Variants in LRRC38 observed in about 807,000 individuals in gnomAD.
LRRC38 encodes leucine rich repeat containing 38, also known as leucine-rich repeat-containing protein 38.
Under a neutral mutation model 16.4 loss-of-function variants are expected in LRRC38, and 5 were observed. That is an observed-to-expected ratio of 0.31 (90% confidence interval 0.16 to 0.64). LRRC38 has a LOEUF of 0.64. Ranked by LOEUF, LRRC38 falls within the 30% of genes least tolerant of loss-of-function variation. The probability of loss-of-function intolerance (pLI) is 0.80; values close to 1 mark genes in which losing one functional copy is unlikely to be tolerated. For missense variants in LRRC38, 341 were observed against 401.8 expected (o/e 0.85, Z 1.29); for synonymous variants, 191 against 190.2 (o/e 1.00, Z -0.04).
intron 1 of LRRC38, among the ~76,000 whole-genome samples, chr1:13,477,866 A>G (rs1638807374): frequency 6.6e-6 from 1 of 152,122 alleles, no homozygotes; most frequent in Admixed American, 6.5e-5. Context: ...AGGGAACACA[A>G]TGTAGCCAGG....
intron 1 of LRRC38, among the ~76,000 whole-genome samples, chr1:13,510,062 C>T (rs1639257814): frequency 6.6e-6 from 1 of 152,212 alleles, no homozygotes; most frequent in Admixed American, 6.5e-5. Flanking sequence ...CGGTGCTCCC[C>T]ACTTTTGTGT....
chr1:13,491,487 C>G (rs749823327), intron 1 of LRRC38, among the ~76,000 whole-genome samples: 1 of 152,064 alleles, frequency 6.6e-6, no homozygotes, highest in Non-Finnish European at 1.5e-5. Context: ...TGACCCCACT[C>G]CTGGCTAATT....
At chr1:13,488,308 G>A (rs576575194) in intron 1 of LRRC38, among the ~76,000 whole-genome samples, 16 of 146,332 alleles carry the variant, frequency 1.1e-4, no homozygotes, top group African/African-American at 3.3e-4. Flanking sequence ...CTGCTCTGTC[G>A]CCCAGGCTGG....
At chr1:13,504,983 TTCC>T (rs1343622007) in intron 1 of LRRC38, among the ~76,000 whole-genome samples, 3 of 152,116 alleles carry the variant, frequency 2.0e-5, no homozygotes, top group Non-Finnish European at 4.4e-5. Flanking sequence ...CTCCCACGAC[TTCC>T]TGGGGCTTGA....
chr1:13,501,854 C>G (rs1639154344), intron 1 of LRRC38, among the ~76,000 whole-genome samples: 1 of 152,094 alleles, frequency 6.6e-6, no homozygotes, highest in South Asian at 2.1e-4. Flanking sequence ...TGCACCATTC[C>G]TGGGTTCACA....
At chr1:13,481,439 T>C (rs1638854526) in intron 1 of LRRC38, among the ~76,000 whole-genome samples, 2 of 151,550 alleles carry the variant, frequency 1.3e-5, no homozygotes, top group South Asian at 4.2e-4. Flanking sequence ...TCGCCCAGGC[T>C]GGAGTGCACT....
chr1:13,481,759 T>G (rs201613607), intron 1 of LRRC38, among the ~76,000 whole-genome samples: 1 of 57,722 alleles, frequency 1.7e-5, no homozygotes, highest in Admixed American at 1.8e-4. Context: ...CTCACTTTCT[T>G]TCCCTCTCTC....
At chr1:13,506,296 C>T (rs999569198) in intron 1 of LRRC38, among the ~76,000 whole-genome samples, 1 of 152,140 alleles carries the variant, frequency 6.6e-6, no homozygotes, top group Non-Finnish European at 1.5e-5. Flanking sequence ...TGCGGCATCA[C>T]AGCCCATGAT....
At chr1:13,506,102 T>C (rs1639209788) in intron 1 of LRRC38, among the ~76,000 whole-genome samples, 1 of 151,476 alleles carries the variant, frequency 6.6e-6, no homozygotes, top group Admixed American at 6.6e-5. Context: ...CGTCAGGCAG[T>C]GGTCACAGGA....
At chr1:13,508,851 C>T (rs144349998) in intron 1 of LRRC38, among the ~76,000 whole-genome samples, 1 of 152,298 alleles carries the variant, frequency 6.6e-6, no homozygotes, top group African/African-American at 2.4e-5. Context: ...AAACCAGGCC[C>T]TCACAGTGTC....
At chr1:13,512,921 G>GCCCCCTC in intron 1 of LRRC38, 42 bp downstream of exon 1, 1 of 1,246,174 alleles carries the variant, frequency 8.0e-7, no homozygotes, top group South Asian at 1.4e-5. Flanking sequence ...GCCTCTCCCT[G>GCCCCCTC]CCCCCCTCCC....
intron 1 of LRRC38, among the ~76,000 whole-genome samples, chr1:13,498,861 C>T (rs35758483): frequency 0.076 from 11,529 of 152,146 alleles, 632 homozygotes; most frequent in Non-Finnish European, 0.11. Context: ...GCATCGGCAG[C>T]GCTGGTTCTC....
intron 1 of LRRC38, among the ~76,000 whole-genome samples, chr1:13,482,515 C>G (rs189690972): frequency 6.6e-6 from 1 of 151,016 alleles, no homozygotes; most frequent in Non-Finnish European, 1.5e-5. Flanking sequence ...CAGAGGCAAA[C>G]GCTGCAGTGA....
chr1:13,492,027 A>G (rs1267391792), intron 1 of LRRC38, among the ~76,000 whole-genome samples: 1 of 152,012 alleles, frequency 6.6e-6, no homozygotes, highest in African/African-American at 2.4e-5. Context: ...TTACATTCAC[A>G]CCGTTATGCA....
At chr1:13,497,584 G>T (rs1164844815) in intron 1 of LRRC38, among the ~76,000 whole-genome samples, 3 of 151,670 alleles carry the variant, frequency 2.0e-5, no homozygotes, top group African/African-American at 4.8e-5. Flanking sequence ...CTCTCTGGGG[G>T]AATCACTCCA....
At chr1:13,481,788 CCTCTCTCT>C (rs1198744392) in intron 1 of LRRC38, among the ~76,000 whole-genome samples, 19 of 34,466 alleles carry the variant, frequency 5.5e-4, no homozygotes, top group South Asian at 1.9e-3. Context: ...TCCCTCTCTC[CCTCTCTCT>C]CTCTCTCTCT....
intron 1 of LRRC38, among the ~76,000 whole-genome samples, chr1:13,502,094 ATTT>A (rs58436602): frequency 1.2e-4 from 16 of 133,886 alleles, no homozygotes; most frequent in African/African-American, 3.6e-4. Context: ...CGCCCAGCCA[ATTT>A]TTTTTTTTTT....
At chr1:13,481,229 A>T (rs921878474) in intron 1 of LRRC38, among the ~76,000 whole-genome samples, 3 of 152,076 alleles carry the variant, frequency 2.0e-5, no homozygotes, top group Admixed American at 2.0e-4. Context: ...CTCCTGCCTC[A>T]GCCTTCCAAG....
intron 1 of LRRC38, among the ~76,000 whole-genome samples, chr1:13,493,227 GC>G (rs1202575202): frequency 1.3e-5 from 2 of 152,030 alleles, no homozygotes; most frequent in African/African-American, 4.8e-5. Flanking sequence ...CAGGTTCCCA[GC>G]ACCAGATATC....
Sources: gnomAD v4.1 joint callset for allele counts (sites outside exome capture counted in the v4.1 genomes callset) on GRCh38, gnomAD v4.1.1 for gene constraint, MANE v1.5 for transcripts, NCBI Gene and HGNC (gene_info 2026-07-23, HGNC 2026-07-21) for gene names.